PM20D1: variants seen among roughly 807,000 people sequenced by gnomAD.
PM20D1 encodes the protein peptidase M20 domain containing 1, also known as N-fatty-acyl-amino acid synthase/hydrolase PM20D1.
Under a neutral mutation model 53.8 loss-of-function variants are expected in PM20D1, and 53 were observed. The observed-to-expected ratio is 0.98, with a 90% confidence interval of 0.79 to 1.24. The LOEUF (loss-of-function observed/expected upper bound fraction) is 1.24. Among genes scored for constraint, PM20D1 ranks in the 50% most tolerant of loss-of-function variants. PM20D1 has a pLI of 0.00. For missense variants in PM20D1, 564 were observed against 616.8 expected (o/e 0.91, Z 0.91); for synonymous variants, 239 against 241.3 (o/e 0.99, Z 0.09).
intron 10 of PM20D1, among the ~76,000 whole-genome samples, chr1:205,834,156 C>CT (rs34037383): frequency 0.013 from 1,596 of 126,564 alleles, 21 homozygotes; most frequent in South Asian, 0.045. Context: ...CCAAGAGTAC[C>CT]TTTTTTTTTT....
At chr1:205,838,957 C>T (rs570561325) in intron 10 of PM20D1, among the ~76,000 whole-genome samples, 2 of 152,320 alleles carry the variant, frequency 1.3e-5, no homozygotes, top group African/African-American at 2.4e-5. Context: ...CCTTCACATG[C>T]ACTACCTAAG....
At position 205,841,841 on chromosome 1, in the gene PM20D1, C is replaced by T. The variant is rs560254735; in HGVS notation, c.1014G>A (p.Thr338=). ...CCCCTGCTTTGAATATGGTGAGTGC[C>T]GTGGTGGTCCTGATTATTGCATTGG... The part of the protein sequence containing the change: ...PLTNAIIRTT[T]ALTIFKAGVK... Residue 338 remains threonine (T), a synonymous_variant, in exon 9 of 13, where the codon ACG becomes ACA. Coordinates refer to ENST00000367136, the MANE Select transcript of PM20D1 (RefSeq NM_152491.5). 75 of 1,569,854 alleles carry T rather than the reference C, an allele frequency of 4.8e-5. 1 individual carries two copies. The South Asian group carries it at 6.2e-4, about 13-fold the overall frequency.
chr1:205,844,282 A>T (rs766548181), intron 4 of PM20D1, 65 bp from the exon 5 acceptor site: 64 of 1,492,930 alleles, frequency 4.3e-5, no homozygotes, highest in Non-Finnish European at 4.8e-5. Flanking sequence ...GACATAGCTA[A>T]TGGGGACCTA....
chr1:205,843,043 G>C (rs948956017), intron 6 of PM20D1, among the ~76,000 whole-genome samples: 6 of 152,122 alleles, frequency 3.9e-5, no homozygotes, highest in African/African-American at 1.4e-4. Flanking sequence ...AGAATTGTCA[G>C]TCTCCTGACA....
intron 5 of PM20D1, 59 bp downstream of exon 5, chr1:205,844,028 G>T (rs1284985883): frequency 1.0e-5 from 16 of 1,561,670 alleles, no homozygotes; most frequent in Non-Finnish European, 1.4e-5. Flanking sequence ...ACCAGGCTGG[G>T]GTCATCTCAA....
rs756179872 is a variant in PM20D1 at position 205,840,325 on chromosome 1, TAG to T, written c.1045-4_1045-3del. The T allele has an allele frequency of 1.2e-5, 19 of 1,613,180 alleles. No homozygotes were observed. The highest frequency in any genetic ancestry group is 1.6e-5 in the Non-Finnish European group (19 of 1,179,506). On this transcript the variant is annotated splice_polypyrimidine_tract_variant and splice_region_variant and intron_variant, in intron 9 of 12. Coordinates refer to ENST00000367136, the MANE Select transcript of PM20D1 (RefSeq NM_152491.5). ...GGCCACTGGGGGGATGACATTGAAC[TAG>T]AGAGAGAAGCACAAAACCCTGGCTT...
intron 9 of PM20D1, 123 bp from the exon 10 acceptor site, chr1:205,840,446 G>T: frequency 2.6e-6 from 2 of 774,938 alleles, no homozygotes; most frequent in Non-Finnish European, 2.1e-6. Flanking sequence ...AGGACCCAAG[G>T]CTTAGCTTTT....
chr1:205,845,481 T>G lies in PM20D1; in HGVS notation c.333A>C (p.Gln111His). The change falls in exon 3 of 13, where the codon CAA (glutamine) becomes CAC (histidine). Residue 111 changes from glutamine (Q) to histidine (H), a missense_variant. Transcript: ENST00000367136. ...VEEYSHLFTI[Q>H]GSDPSLQPYL... is the part of the protein sequence containing the mutation. ...AGGGCTGCAAGCTGGGGTCCGAGCCTTGGATAGTGAACAGGTGGCTATACT... is the reference window on the plus strand; with the variant it reads ...AGGGCTGCAAGCTGGGGTCCGAGCCGTGGATAGTGAACAGGTGGCTATACT... 2 of 1,614,176 alleles carry G rather than the reference T, an allele frequency of 1.2e-6. No homozygotes were observed. The highest frequency in any genetic ancestry group is 2.7e-5 in the African/African-American group (2 of 75,046).
intron 1 of PM20D1, 21 bp downstream of exon 1, chr1:205,849,883 G>A (rs1265888207): frequency 9.4e-6 from 15 of 1,601,958 alleles, no homozygotes; most frequent in Non-Finnish European, 1.3e-5. Flanking sequence ...GCATAGGTGG[G>A]TGAAGGGGAC....
intron 12 of PM20D1, 27 bp from the exon 13 acceptor site, chr1:205,828,770 A>G (rs1414284435): frequency 6.8e-6 from 11 of 1,613,008 alleles, no homozygotes; most frequent in Non-Finnish European, 8.5e-6. Flanking sequence ...GCATTTAGGG[A>G]AGGAGGGGAG....
At position 205,832,638 on chromosome 1, in the gene PM20D1, GGTCT is replaced by G. The variant is rs747112557; in HGVS notation, c.1241_1244del (p.Gln414ProfsTer65). 2.5e-6 allele frequency: 4 copies of G among 1,614,142 alleles called. No homozygotes were observed. Among genetic ancestry groups the G allele is most frequent in the Non-Finnish European group, 3.4e-6 (4 of 1,180,026 alleles). On this transcript the variant is annotated frameshift_variant, in exon 11 of 13. Transcript: ENST00000367136. LOFTEE classifies it high-confidence loss of function. ...TGACTTCCGGGAAGACGGACTGTAC[GGTCT>G]GGCGGAGCAGCTGGTAGCCCAAGGC...
At chr1:205,830,133 G>A in intron 12 of PM20D1, 147 bp downstream of exon 12, 2 of 613,520 alleles carry the variant, frequency 3.3e-6, no homozygotes. Context: ...ACAGTAGATG[G>A]GTTAGGTTCT....
At chr1:205,849,782 G>T in intron 1 of PM20D1, 122 bp downstream of exon 1, 2 of 1,270,838 alleles carry the variant, frequency 1.6e-6, no homozygotes, top group Non-Finnish European at 1.1e-6. Context: ...GGGCTGGGGT[G>T]CGTGTCGGGG....
At chr1:205,843,644 G>C (rs1292011215) in intron 6 of PM20D1, 23 bp downstream of exon 6, 1 of 1,608,116 alleles carries the variant, frequency 6.2e-7, no homozygotes, top group Non-Finnish European at 8.5e-7. Flanking sequence ...TCTGGCATGG[G>C]AACAGGGCCA....
intron 10 of PM20D1, among the ~76,000 whole-genome samples, chr1:205,833,246 G>A (rs1304704067): frequency 6.6e-6 from 1 of 152,256 alleles, no homozygotes; most frequent in Non-Finnish European, 1.5e-5. Context: ...AGTTGGATGG[G>A]AATTGGAAAA....
rs770057064 is a variant in PM20D1 at position 205,843,727 on chromosome 1, C to T, written c.767G>A (p.Gly256Asp). 1.2e-6 allele frequency: 2 copies of T among 1,614,092 alleles called. No individual in the cohort carries two copies. The highest frequency in any genetic ancestry group is 3.3e-5 in the Admixed American group (2 of 60,020). The part of the protein sequence containing the change: ...NLMLQVNMTS[G>D]HSSAPPKETS... ...CTCCTTTGGAGGAGCTGAAGAGTGG[C>T]CTGAAGTCATGTTTACTTGCAGCAT... Residue 256 changes from glycine to aspartate, a missense_variant, in exon 6 of 13, where the codon GGC (glycine) becomes GAC (aspartate). Transcript: ENST00000367136.
intron 7 of PM20D1, 35 bp from the exon 8 acceptor site, chr1:205,842,250 C>T (rs1273817870): frequency 6.3e-7 from 1 of 1,580,054 alleles, no homozygotes; most frequent in Non-Finnish European, 8.7e-7. Flanking sequence ...ACAGGGTCAC[C>T]TCTAGTTTAG....
intron 4 of PM20D1, 25 bp downstream of exon 4, chr1:205,844,786 T>C: frequency 6.2e-7 from 1 of 1,600,402 alleles, no homozygotes; most frequent in Non-Finnish European, 8.6e-7. Context: ...AGGACAGAGA[T>C]AGGTATAAGG....
At chr1:205,834,006 C>T (rs1453631464) in intron 10 of PM20D1, among the ~76,000 whole-genome samples, 14 of 146,154 alleles carry the variant, frequency 9.6e-5, no homozygotes, top group East Asian at 8.3e-4. Context: ...CACCACTATG[C>T]CTGACTAATT....
Sources: gnomAD v4.1 joint callset for allele counts (sites outside exome capture counted in the v4.1 genomes callset) on GRCh38, gnomAD v4.1.1 for gene constraint, MANE v1.5 for transcripts, NCBI Gene and HGNC (gene_info 2026-07-23, HGNC 2026-07-21) for gene names.